FBXL13: variants seen among roughly 807,000 people sequenced by gnomAD.
FBXL13 encodes F-box and leucine rich repeat protein 13, also known as F-box and leucine-rich repeat protein 13.
A neutral mutation model predicts 83.6 loss-of-function variants in FBXL13; 67 were observed. That is an observed-to-expected ratio of 0.80 (90% CI 0.66 to 0.98). FBXL13 has a LOEUF of 0.98. Ranked by LOEUF, FBXL13 falls within the 50% of genes least tolerant of loss-of-function variation. FBXL13 has a pLI of 0.00. For synonymous variants in FBXL13, 272 were observed against 299.5 expected (o/e 0.91, Z 0.95); for missense variants, 822 against 866.5 (o/e 0.95, Z 0.64).
At chr7:102,960,558 T>TG (rs1563153475) in intron 8 of FBXL13, among the ~76,000 whole-genome samples, 1 of 151,500 alleles carries the variant, frequency 6.6e-6, no homozygotes, top group Non-Finnish European at 1.5e-5. Context: ...CCAATATCCT[T>TG]GATGAACATT....
At chr7:102,819,321 A>G (rs1279919564) in intron 19 of FBXL13, among the ~76,000 whole-genome samples, 2 of 152,062 alleles carry the variant, frequency 1.3e-5, no homozygotes, top group Non-Finnish European at 2.9e-5. Flanking sequence ...TTTATCTTGC[A>G]TCCACACGGT....
chr7:103,064,773 T>C (rs1387113666), intron 1 of FBXL13, among the ~76,000 whole-genome samples: 1 of 152,192 alleles, frequency 6.6e-6, no homozygotes, highest in Non-Finnish European at 1.5e-5. Flanking sequence ...AATAATGGTA[T>C]AACTTCTACC....
intron 18 of FBXL13, among the ~76,000 whole-genome samples, chr7:102,824,449 AAC>A (rs1799264686): frequency 6.6e-6 from 1 of 152,126 alleles, no homozygotes; most frequent in African/African-American, 2.4e-5. Context: ...TATCCCCATT[AAC>A]AGATTTGTAA....
chr7:102,924,876 G>A (rs901405881), intron 10 of FBXL13, among the ~76,000 whole-genome samples: 5 of 151,732 alleles, frequency 3.3e-5, no homozygotes, highest in East Asian at 1.9e-4. Flanking sequence ...TGATCCACCC[G>A]CCCCGGCCTC....
intron 8 of FBXL13, among the ~76,000 whole-genome samples, chr7:102,954,307 A>G (rs1349761366): frequency 6.6e-6 from 1 of 152,256 alleles, no homozygotes; most frequent in Non-Finnish European, 1.5e-5. Flanking sequence ...TCATAAGTGA[A>G]GGAGAAATAA....
At chr7:103,056,480 CAG>C (rs1262374722) in intron 1 of FBXL13, among the ~76,000 whole-genome samples, 1 of 151,814 alleles carries the variant, frequency 6.6e-6, no homozygotes, top group Non-Finnish European at 1.5e-5. Context: ...TTTTTTTGAG[CAG>C]AGTCTTGCTC....
chr7:102,982,860 T>C (rs1191241231), intron 6 of FBXL13, among the ~76,000 whole-genome samples: 2 of 152,204 alleles, frequency 1.3e-5, no homozygotes, highest in Non-Finnish European at 2.9e-5. Flanking sequence ...GAGCCCTTTC[T>C]AACTCCTTGT....
In FBXL13 at chr7:102,826,757, A is replaced by G. The variant is rs57530371; in HGVS notation, c.1855-4554T>C. 1.7e-4 allele frequency among the ~76,000 whole-genome samples: 18 copies of G among 104,810 alleles called. 1 individual carries two copies. Among genetic ancestry groups the G allele is most frequent in the East Asian group, 4.8e-4 (1 of 2,100 alleles). The allele number at this position is 104,810 out of a possible 152,430, so 68.8% of individuals were successfully genotyped here. On this transcript the variant is annotated intron_variant, in intron 18 of 19. Coordinates refer to ENST00000313221, the Ensembl canonical transcript of FBXL13. Reference sequence around the variant, plus strand: ...TATATATATATATATATATATATATATATATATATATATATGTATATATAT... The same window carrying G: ...TATATATATATATATATATATATATGTATATATATATATATGTATATATAT...
rs59881447 is a variant in FBXL13, at chr7:103,062,025, CAAA to C, written c.-104-6281_-104-6279del. ...AACTTCTCAGAAAAATCATAATTAC[CAAA>C]AAAAAAAAAAAAAAAACAAACCTTT... On this transcript the variant is annotated intron_variant, in intron 1 of 19. Transcript: ENST00000313221. Among the ~76,000 whole-genome samples, 23 of 99,796 alleles carry C rather than the reference CAAA, an allele frequency of 2.3e-4. 1 individual carries two copies. Among genetic ancestry groups the C allele is most frequent in the African/African-American group, 8.7e-4 (22 of 25,372 alleles). 65.5% of individuals were successfully genotyped at this position (99,796 alleles called of 152,430 possible). A position where few individuals can be genotyped will look rare whatever the true frequency, so the allele number is the denominator to read the frequency against.
chr7:102,887,549 G>T (rs1048400421), intron 11 of FBXL13, among the ~76,000 whole-genome samples: 2 of 152,104 alleles, frequency 1.3e-5, no homozygotes, highest in African/African-American at 4.8e-5. Flanking sequence ...TCTGAAATTG[G>T]TATACCAGGC....
chr7:103,001,978 C>T (rs183416416), intron 6 of FBXL13, among the ~76,000 whole-genome samples: 129 of 152,232 alleles, frequency 8.5e-4, no homozygotes, highest in Middle Eastern at 3.4e-3. Flanking sequence ...CCTATTGGTT[C>T]GGTCCCACTG....
chr7:102,915,122 A>ATT (rs386410852), intron 10 of FBXL13, among the ~76,000 whole-genome samples: 17,141 of 128,010 alleles, frequency 0.13, 1,233 homozygotes, highest in East Asian at 0.24. Context: ...AGATTAAAAT[A>ATT]TTTTTTTTTT....
At position 102,871,681 on chromosome 7, in the gene FBXL13, C is replaced by T. The variant is rs559327481; in HGVS notation, c.1635+5786G>A. Among the ~76,000 whole-genome samples, 18 of 152,288 alleles carry T rather than the reference C, an allele frequency of 1.2e-4. No homozygotes were observed. In the South Asian group the frequency reaches 3.7e-3, roughly 32 times the overall value. On this transcript the variant is annotated intron_variant, in intron 16 of 19. Coordinates refer to ENST00000313221, the Ensembl canonical transcript of FBXL13. The stretch of plus-strand genomic sequence containing the variant: ...ATGCTAGGATTACAGGCGTAAGCCA[C>T]CACACCTGGCCAATTTTTAATTTTT...
intron 5 of FBXL13, among the ~76,000 whole-genome samples, chr7:103,026,949 A>G (rs1793988024): frequency 6.6e-6 from 1 of 152,190 alleles, no homozygotes; most frequent in Non-Finnish European, 1.5e-5. Flanking sequence ...AACCAATATT[A>G]AGTAATGATA....
At chr7:102,820,853 C>T (rs1321116290) in intron 19 of FBXL13, among the ~76,000 whole-genome samples, 1 of 152,310 alleles carries the variant, frequency 6.6e-6, no homozygotes, top group African/African-American at 2.4e-5. Flanking sequence ...AAGGTCACAC[C>T]TCTCAATAAT....
At chr7:102,875,335 G>A (rs1033546228) in intron 16 of FBXL13, among the ~76,000 whole-genome samples, 5 of 152,040 alleles carry the variant, frequency 3.3e-5, no homozygotes, top group African/African-American at 1.2e-4. Context: ...AAAGGGGAGA[G>A]AAGAGGTGGA....
chr7:102,848,417 G>A (rs71572204), intron 17 of FBXL13, among the ~76,000 whole-genome samples: 2,350 of 99,488 alleles, frequency 0.024, 399 homozygotes, highest in South Asian at 0.035. Context: ...TTAGCCGGGC[G>A]TAGTGGCGGG....
At chr7:102,884,399 T>G (rs1810517881) in intron 11 of FBXL13, 87 bp from the exon 13 acceptor site, 1 of 912,814 alleles carries the variant, frequency 1.1e-6, no homozygotes, top group Admixed American at 1.9e-5. Flanking sequence ...ACACCATAAT[T>G]TTGTTACTAT....
intron 6 of FBXL13, among the ~76,000 whole-genome samples, chr7:102,986,069 AATCTATT>A (rs1828919407): frequency 1.3e-5 from 2 of 150,440 alleles, no homozygotes; most frequent in South Asian, 4.3e-4. Flanking sequence ...CTTTCCAAAT[AATCTATT>A]GAAACATTCA....
Sources: allele counts gnomAD v4.1 joint callset (sites outside exome capture counted in the v4.1 genomes callset), GRCh38; gene constraint gnomAD v4.1.1; transcripts MANE v1.5; gene names NCBI Gene and HGNC (gene_info 2026-07-23, HGNC 2026-07-21).